PLCXD3: variants seen among roughly 807,000 people sequenced by gnomAD.
PLCXD3 encodes the protein phosphatidylinositol specific phospholipase C X domain containing 3.
A neutral mutation model predicts 25.5 loss-of-function variants in PLCXD3; 19 were observed. The observed-to-expected ratio is 0.75, with a 90% confidence interval of 0.52 to 1.09. The LOEUF (loss-of-function observed/expected upper bound fraction) is 1.09, where lower values mean the gene tolerates loss of function less well. PLCXD3 is among the 50% of genes least tolerant of loss of function. The pLI, the probability that PLCXD3 is intolerant of heterozygous loss-of-function variation, is 0.00. For synonymous variants in PLCXD3, 174 were observed against 137.6 expected (o/e 1.26, Z -1.85); for missense variants, 411 against 388.1 (o/e 1.06, Z -0.50).
At chr5:41,328,756 G>A (rs1220945606) in intron 2 of PLCXD3, among the ~76,000 whole-genome samples, 11 of 152,126 alleles carry the variant, frequency 7.2e-5, no homozygotes, top group African/African-American at 9.7e-5. Flanking sequence ...ACCAGAGGTC[G>A]TCTTCTCATA....
intron 1 of PLCXD3, among the ~76,000 whole-genome samples, chr5:41,497,297 T>C (rs1385698838): frequency 1.3e-5 from 2 of 151,928 alleles, no homozygotes; most frequent in African/African-American, 2.4e-5. Flanking sequence ...AGACTTGCTT[T>C]AGACTTGAGA....
chr5:41,505,621 T>A (rs929566187), intron 1 of PLCXD3, among the ~76,000 whole-genome samples: 32 of 152,356 alleles, frequency 2.1e-4, no homozygotes, highest in African/African-American at 7.7e-4. Context: ...AGATGTTTCC[T>A]AAACTGGCAT....
At chr5:41,316,884 C>T (rs1483984545) in intron 2 of PLCXD3, among the ~76,000 whole-genome samples, 1 of 152,198 alleles carries the variant, frequency 6.6e-6, no homozygotes, top group Non-Finnish European at 1.5e-5. Context: ...GCTCTACTCC[C>T]TGACTCCAGA....
In PLCXD3 at chr5:41,313,623, G is replaced by T; in HGVS notation, c.960C>A (p.Asn320Lys). Residue 320 changes from asparagine (N) to lysine (K), a missense_variant, in exon 3 of 3, where the codon AAC (asparagine) becomes AAA (lysine). Asn to Lys is a moderately conservative substitution (Grantham distance 94). Transcript: ENST00000377801. The stretch of plus-strand genomic sequence containing the variant: ...GAAACTCCAAGTAGTGCTATCAAGT[G>T]TTGGCTTCTCCTTCATCAAAGACAT... ...LNYVFDEGEA[N>K]T 6.2e-7 allele frequency: 1 copy of T among 1,613,792 alleles called. No individual in the cohort carries two copies. Among genetic ancestry groups the T allele is most frequent in the Non-Finnish European group, 8.5e-7 (1 of 1,179,734 alleles).
At chr5:41,412,799 C>G (rs1287932745) in intron 1 of PLCXD3, among the ~76,000 whole-genome samples, 1 of 152,176 alleles carries the variant, frequency 6.6e-6, no homozygotes, top group African/African-American at 2.4e-5. Context: ...GACTTGGTGA[C>G]ATACAATTTA....
intron 1 of PLCXD3, among the ~76,000 whole-genome samples, chr5:41,472,049 A>G (rs895348856): frequency 1.4e-5 from 2 of 147,776 alleles, no homozygotes; most frequent in Non-Finnish European, 3.0e-5. Context: ...TACTTTGACA[A>G]CCAAGACTCC....
intron 2 of PLCXD3, among the ~76,000 whole-genome samples, chr5:41,326,823 T>C (rs1462549613): frequency 1.3e-5 from 2 of 151,916 alleles, no homozygotes; most frequent in Admixed American, 6.6e-5. Flanking sequence ...TATCATATTG[T>C]ATTCATTAAT....
At chr5:41,480,391 T>C (rs1485275819) in intron 1 of PLCXD3, among the ~76,000 whole-genome samples, 5 of 145,978 alleles carry the variant, frequency 3.4e-5, no homozygotes, top group African/African-American at 1.3e-4. Context: ...TGTAACAAAG[T>C]TGTTTTTTTT....
intron 1 of PLCXD3, among the ~76,000 whole-genome samples, chr5:41,383,197 T>C (rs1279124639): frequency 6.6e-6 from 1 of 152,086 alleles, no homozygotes; most frequent in Non-Finnish European, 1.5e-5. Flanking sequence ...TTCTTGCAAG[T>C]CAACAGCATT....
At chr5:41,317,126 G>GTGTCAT (rs1430948983) in intron 2 of PLCXD3, among the ~76,000 whole-genome samples, 1 of 152,230 alleles carries the variant, frequency 6.6e-6, no homozygotes, top group African/African-American at 2.4e-5. Context: ...AGAGGTGCTT[G>GTGTCAT]TGTCATTCCA....
At chr5:41,434,355 G>A (rs1460260188) in intron 1 of PLCXD3, among the ~76,000 whole-genome samples, 1 of 152,208 alleles carries the variant, frequency 6.6e-6, no homozygotes, top group South Asian at 2.1e-4. Flanking sequence ...AAGCAAACCT[G>A]TTCTCTCACT....
Position 41,419,578 on chromosome 5 carries a change from C to T in PLCXD3, c.104-37044G>A, listed in dbSNP as rs558253391. ...ATTAAAAAAAATACTGAGGTTTTTC[C>T]CCCAGAGATAGCCAAGCAAAATCTT... On this transcript the variant is annotated intron_variant, in intron 1 of 2. Transcript: ENST00000377801. 2.0e-5 allele frequency among the ~76,000 whole-genome samples: 3 copies of T among 152,042 alleles called. No individual in the cohort carries two copies. In the East Asian group the frequency reaches 5.8e-4, roughly 29 times the overall value.
chr5:41,470,783 A>G (rs759207397), intron 1 of PLCXD3, among the ~76,000 whole-genome samples: 84 of 152,284 alleles, frequency 5.5e-4, no homozygotes, highest in Non-Finnish European at 9.6e-4. Flanking sequence ...AAAAGAAAAG[A>G]AAAAGAAAAA....
chr5:41,505,160 G>A (rs1057335793), intron 1 of PLCXD3, among the ~76,000 whole-genome samples: 11 of 152,046 alleles, frequency 7.2e-5, no homozygotes, highest in African/African-American at 2.7e-4. Flanking sequence ...AAAGCTTATG[G>A]GCCTTAACGT....
At chr5:41,432,874 T>C (rs1747150675) in intron 1 of PLCXD3, among the ~76,000 whole-genome samples, 1 of 152,204 alleles carries the variant, frequency 6.6e-6, no homozygotes, top group Non-Finnish European at 1.5e-5. Flanking sequence ...TGATGGACCT[T>C]TTCTTTTCCT....
At chr5:41,373,677 C>T (rs2150489752) in intron 2 of PLCXD3, among the ~76,000 whole-genome samples, 1 of 151,738 alleles carries the variant, frequency 6.6e-6, no homozygotes, top group East Asian at 1.9e-4. Context: ...CCTCCTCCCC[C>T]TTTTCCTCTT....
At chr5:41,330,303 G>T (rs1018357857) in intron 2 of PLCXD3, among the ~76,000 whole-genome samples, 1 of 152,128 alleles carries the variant, frequency 6.6e-6, no homozygotes, top group African/African-American at 2.4e-5. Flanking sequence ...TACCATCAGA[G>T]AACACTACAA....
At chr5:41,496,745 G>A (rs1351565516) in intron 1 of PLCXD3, among the ~76,000 whole-genome samples, 1 of 151,002 alleles carries the variant, frequency 6.6e-6, no homozygotes, top group South Asian at 2.1e-4. Context: ...TAAAAGCGTA[G>A]GTAACTATGT....
chr5:41,349,777 C>T (rs922430439), intron 2 of PLCXD3, among the ~76,000 whole-genome samples: 1 of 152,186 alleles, frequency 6.6e-6, no homozygotes, highest in East Asian at 1.9e-4. Flanking sequence ...GCATGCATCA[C>T]AGGTCTTTAA....
Sources: allele counts gnomAD v4.1 joint callset (sites outside exome capture counted in the v4.1 genomes callset), GRCh38; gene constraint gnomAD v4.1.1; transcripts MANE v1.5; gene names NCBI Gene and HGNC (gene_info 2026-07-23, HGNC 2026-07-21).